The following EGFL6 variants were observed in gnomAD, a reference collection of about 807,000 sequenced individuals.
EGFL6 encodes the protein epidermal growth factor-like protein 6.
EGFL6 carries 42 observed loss-of-function variants against 43.1 expected under a neutral mutation model. The observed-to-expected ratio is 0.98, with a 90% CI of 0.76 to 1.26. EGFL6 has a LOEUF of 1.26. Ranked by LOEUF, EGFL6 falls within the 50% of genes most tolerant of loss-of-function variation. The pLI is 0.00. For synonymous variants in EGFL6, 164 were observed against 163.2 expected, an observed-to-expected ratio of 1.01 and a Z score of -0.04; for missense variants, 429 against 427.8, an observed-to-expected ratio of 1.00 and a Z score of -0.02.
chrX:13,597,313 C>T (rs757127699), intron 3 of EGFL6, among the ~76,000 whole-genome samples: 1 of 111,898 alleles, frequency 8.9e-6, no homozygotes, highest in South Asian at 3.8e-4. Flanking sequence ...ACTCCCAGCC[C>T]TTGCTGCCAA....
At chrX:13,611,386 T>A (rs1569207765) in intron 7 of EGFL6, among the ~76,000 whole-genome samples, 1 of 111,607 alleles carries the variant, frequency 9.0e-6, no homozygotes, top group South Asian at 3.7e-4. Flanking sequence ...AAGGTAAATA[T>A]GAAAATGTTG....
intron 11 of EGFL6, among the ~76,000 whole-genome samples, chrX:13,629,125 C>T (rs2045797577): frequency 8.9e-6 from 1 of 112,759 alleles, no homozygotes; most frequent in Admixed American, 9.3e-5. Flanking sequence ...GAGGTAAAAG[C>T]AGCCAGTGCT....
chrX:13,581,697 T>C (rs1352571625), intron 1 of EGFL6, among the ~76,000 whole-genome samples: 1 of 112,240 alleles, frequency 8.9e-6, no homozygotes, highest in Non-Finnish European at 1.9e-5. Flanking sequence ...GAAGAAATAC[T>C]ACACTACTTA....
chrX:13,590,295 A>G (rs1446096377), intron 2 of EGFL6: 1 of 112,089 alleles, frequency 8.9e-6, no homozygotes. Flanking sequence ...CATTTCAAGG[A>G]GGTTGGGAAG....
rs1415387293 is a variant in EGFL6 at position 13,598,700 on chromosome X, T to C, written c.281-1275T>C. ...CCTCCTAGGCTTTTCTTTTCCTATGTATTTTTTAAACCAATTTTGGAATGA... is the reference window on the plus strand; with the variant it reads ...CCTCCTAGGCTTTTCTTTTCCTATGCATTTTTTAAACCAATTTTGGAATGA... On this transcript the variant is annotated intron_variant, in intron 3 of 11. Coordinates refer to ENST00000361306, the MANE Select transcript of EGFL6 (RefSeq NM_015507.4). Among the ~76,000 whole-genome samples the C allele has an allele frequency of 9.2e-5, 10 of 108,134 alleles. No homozygotes were observed. The East Asian group carries it at 2.8e-3, about 31-fold the overall frequency. The allele number at this position is 108,134 out of a possible 115,157, so 93.9% of individuals were successfully genotyped here. A position where few individuals can be genotyped will look rare whatever the true frequency, so the allele number is the denominator to read the frequency against.
rs1257706058 is a variant in EGFL6, at chrX:13,575,830, T to C, written c.74+5895T>C. 8.0e-5 allele frequency among the ~76,000 whole-genome samples: 9 copies of C among 112,718 alleles called. No individual in the cohort carries two copies. In the Admixed American group the frequency reaches 8.4e-4, roughly 11 times the overall value. ...TAACTAGCATGGCAACATTGCTTTT[T>C]GATCCTTCAGAATTAGCTGCAAGTG... On this transcript the variant is annotated intron_variant, in intron 1 of 11. Transcript: ENST00000361306.
At chrX:13,621,184 TG>T (rs2045746598) in intron 9 of EGFL6, among the ~76,000 whole-genome samples, 1 of 112,064 alleles carries the variant, frequency 8.9e-6, no homozygotes, top group African/African-American at 3.2e-5. Flanking sequence ...TCCCAGGAAA[TG>T]GTGGTTGGGG....
rs187320482 is a variant in EGFL6 at position 13,585,634 on chromosome X, C to A, written c.75-3922C>A. 4.9e-4 allele frequency among the ~76,000 whole-genome samples: 54 copies of A among 111,204 alleles called. 2 individuals carry two copies. Among genetic ancestry groups the A allele is most frequent in the Middle Eastern group, 9.2e-3 (2 of 218 alleles). On this transcript the variant is annotated intron_variant, in intron 1 of 11. Transcript: ENST00000361306. ...GATTGGGGAGCATATTGCTTGCAAA[C>A]CTGCAGTCAAGAAGTTGACAGATCA...
At chrX:13,613,435 CA>C (rs1298278013) in intron 7 of EGFL6, among the ~76,000 whole-genome samples, 2 of 110,316 alleles carry the variant, frequency 1.8e-5, no homozygotes, top group East Asian at 5.6e-4. Flanking sequence ...ACCCAGATAA[CA>C]CTCAATTTGG....
intron 8 of EGFL6, among the ~76,000 whole-genome samples, chrX:13,618,750 C>T (rs190429883): frequency 9.0e-6 from 1 of 110,936 alleles, no homozygotes; most frequent in Non-Finnish European, 1.9e-5. Context: ...TATCTAGTCT[C>T]GGCTCTGTGA....
chrX:13,604,462 C>T (rs1303098520), intron 5 of EGFL6, among the ~76,000 whole-genome samples: 1 of 110,990 alleles, frequency 9.0e-6, no homozygotes, highest in East Asian at 2.8e-4. Context: ...GACATGACCC[C>T]CCAGCACTCC....
chrX:13,617,624 T>G, intron 7 of EGFL6, 106 bp from the exon 8 acceptor site: 1 of 665,692 alleles, frequency 1.5e-6, no homozygotes, highest in Non-Finnish European at 2.3e-6. Context: ...GTGGGTTCAT[T>G]CTGGAAGCAT....
At chrX:13,603,538 T>C in intron 5 of EGFL6, 102 bp downstream of exon 5, 2 of 950,847 alleles carry the variant, frequency 2.1e-6, no homozygotes, top group Non-Finnish European at 2.8e-6. Context: ...GACTAGACAT[T>C]GGAAACTTCT....
At chrX:13,591,137 C>G (rs944870936) in intron 2 of EGFL6, among the ~76,000 whole-genome samples, 7 of 112,079 alleles carry the variant, frequency 6.2e-5, no homozygotes, top group Non-Finnish European at 3.8e-5. Flanking sequence ...ATTCTCATCA[C>G]AGACTTCTCG....
At chrX:13,595,222 C>T (rs1319648925) in intron 3 of EGFL6, among the ~76,000 whole-genome samples, 1 of 110,252 alleles carries the variant, frequency 9.1e-6, no homozygotes, top group Non-Finnish European at 1.9e-5. Flanking sequence ...TTCCGTAACA[C>T]AGAAAAAAAG....
chrX:13,600,235 GTTTC>G (rs1257956476), intron 4 of EGFL6, 141 bp downstream of exon 4: 3 of 310,047 alleles, frequency 9.7e-6, no homozygotes, highest in Non-Finnish European at 9.6e-6. Context: ...TGTGGCACTT[GTTTC>G]TTTCTTTCTT....
At chrX:13,582,315 C>T (rs1005516627) in intron 1 of EGFL6, among the ~76,000 whole-genome samples, 1 of 110,519 alleles carries the variant, frequency 9.0e-6, no homozygotes, top group African/African-American at 3.3e-5. Context: ...CCCACCTCGG[C>T]CTCCCAAAGT....
chrX:13,582,600 A>G (rs1661277806), intron 1 of EGFL6, among the ~76,000 whole-genome samples: 1 of 111,534 alleles, frequency 9.0e-6, no homozygotes, highest in Non-Finnish European at 1.9e-5. Context: ...TTTATACGAC[A>G]TCAAAAACAA....
intron 1 of EGFL6, among the ~76,000 whole-genome samples, chrX:13,570,709 GCT>G (rs1027964430): frequency 8.9e-6 from 1 of 111,894 alleles, no homozygotes; most frequent in Non-Finnish European, 1.9e-5. Flanking sequence ...AGCCATAATG[GCT>G]CTGTGTGTAA....
Sources: allele counts gnomAD v4.1 joint callset (sites outside exome capture counted in the v4.1 genomes callset), GRCh38; gene constraint gnomAD v4.1.1; transcripts MANE v1.5; gene names NCBI Gene and HGNC (gene_info 2026-07-23, HGNC 2026-07-21).